SAMD4B: variants seen among roughly 807,000 people sequenced by gnomAD.
SAMD4B encodes the protein sterile alpha motif domain containing 4B.
A neutral mutation model predicts 74.5 loss-of-function variants in SAMD4B; 5 were observed. That is an observed-to-expected ratio of 0.07 (90% CI 0.04 to 0.14). The LOEUF is 0.14. Among genes scored for constraint, SAMD4B ranks in the 10% least tolerant of loss-of-function variants. The probability of loss-of-function intolerance (pLI) is 1.00; values close to 1 mark genes in which losing one functional copy is unlikely to be tolerated. For missense variants in SAMD4B, 608 were observed against 921.8 expected, an observed-to-expected ratio of 0.66 and a Z score of 4.41; for synonymous variants, 373 against 374.9, an observed-to-expected ratio of 1.00 and a Z score of 0.06.
intron 4 of SAMD4B, among the ~76,000 whole-genome samples, chr19:39,374,933 T>C (rs969417171): frequency 1.3e-5 from 2 of 152,080 alleles, no homozygotes; most frequent in Non-Finnish European, 2.9e-5. Context: ...AGTAATGTGA[T>C]AGAGTGACGG....
chr19:39,382,587 G>A (rs1184477830), intron 12 of SAMD4B, among the ~76,000 whole-genome samples: 2 of 152,170 alleles, frequency 1.3e-5, no homozygotes, highest in African/African-American at 2.4e-5. Context: ...TGATGGCAGT[G>A]AGGAGTCAGG....
Position 39,380,043 on chromosome 19 carries a change from C to G in SAMD4B, c.1608C>G (p.Arg536=). 6.2e-7 allele frequency: 1 copy of G among 1,613,888 alleles called. No individual in the cohort carries two copies. The highest frequency in any genetic ancestry group is 1.3e-5 in the African/African-American group (1 of 75,050). Residue 536 remains arginine (R), a synonymous_variant, in exon 10 of 14, where the codon CGC becomes CGG. Coordinates refer to ENST00000610417, the MANE Select transcript of SAMD4B (RefSeq NM_001384574.2). The part of the protein sequence containing the change: ...QVLKLLRTFP[R]KAALEMQNYR... ...TGAAGCTCCTCCGGACATTCCCGCG[C>G]AAAGCCGCACTAGAGATGCAGAACT...
chr19:39,390,309 CAG>C (rs538593903), downstream of SAMD4B: 194 of 1,605,622 alleles, frequency 1.2e-4, 1 homozygote, highest in East Asian at 4.3e-3. Context: ...AAGAAAGAAA[CAG>C]TGATAGGTGG....
chr19:39,382,611 A>C (rs1006563451), intron 12 of SAMD4B, among the ~76,000 whole-genome samples: 1 of 152,084 alleles, frequency 6.6e-6, no homozygotes, highest in Admixed American at 6.5e-5. Flanking sequence ...GGGTTTAAGC[A>C]GTGTAGTGAG....
At position 39,376,857 on chromosome 19, in the gene SAMD4B, C is replaced by T. The variant is rs1213216679; in HGVS notation, c.1104+66C>T. On this transcript the variant is annotated intron_variant, in intron 7 of 13. Coordinates refer to ENST00000610417, the MANE Select transcript of SAMD4B (RefSeq NM_001384574.2). ...CTTGGTGGTACCAGTAGACCAAAGGCCCTGAGTTGGCCTCCAGACTCCTCG... is the reference window on the plus strand; with the variant it reads ...CTTGGTGGTACCAGTAGACCAAAGGTCCTGAGTTGGCCTCCAGACTCCTCG... 2.1e-6 allele frequency: 3 copies of T among 1,424,788 alleles called. No homozygotes were observed. The African/African-American group carries it at 4.3e-5, about 20-fold the overall frequency. 88.3% of individuals were successfully genotyped at this position (1,424,788 alleles called of 1,614,324 possible).
chr19:39,353,212 G>A (rs2076151437), intron 1 of SAMD4B, among the ~76,000 whole-genome samples: 1 of 152,130 alleles, frequency 6.6e-6, no homozygotes, highest in African/African-American at 2.4e-5. Context: ...CCTGCATCCA[G>A]GGCAAACATT....
chr19:39,349,433 C>T (rs1021418290), intron 1 of SAMD4B, among the ~76,000 whole-genome samples: 5 of 152,138 alleles, frequency 3.3e-5, no homozygotes, highest in Non-Finnish European at 7.3e-5. Flanking sequence ...CCATACTGTA[C>T]TTATCTTCCA....
In SAMD4B at chr19:39,356,821, CAGA is replaced by C; in HGVS notation, c.-72_-70del. The C allele has an allele frequency of 3.8e-6, 5 of 1,326,266 alleles. No individual in the cohort carries two copies. Among genetic ancestry groups the C allele is most frequent in the Non-Finnish European group, 5.1e-6 (5 of 973,966 alleles). The allele number at this position is 1,326,266 out of a possible 1,614,324, so 82.2% of individuals were successfully genotyped here. A position where few individuals can be genotyped will look rare whatever the true frequency, so the allele number is the denominator to read the frequency against. On this transcript the variant is annotated 5_prime_UTR_variant, in exon 3 of 14. Coordinates refer to ENST00000610417, the MANE Select transcript of SAMD4B (RefSeq NM_001384574.2). Reference sequence around the variant, plus strand: ...CCTCAGGGGAAAGGTAACAGGAGGCCAGAGCCGGGACCATGTGACGGCGCTGGC... The same window carrying C: ...CCTCAGGGGAAAGGTAACAGGAGGCCGCCGGGACCATGTGACGGCGCTGGC...
chr19:39,343,037 T>C (rs2075416618), intron 1 of SAMD4B, among the ~76,000 whole-genome samples: 7 of 151,216 alleles, frequency 4.6e-5, no homozygotes, highest in Admixed American at 3.9e-4. Flanking sequence ...GCCCCCGTCC[T>C]CCTCCTGTCT....
At chr19:39,365,232 C>T (rs191262600) in intron 3 of SAMD4B, among the ~76,000 whole-genome samples, 189 of 127,356 alleles carry the variant, frequency 1.5e-3, no homozygotes, top group African/African-American at 5.5e-3. Flanking sequence ...GGTGACAGAG[C>T]GAGACTCCGT....
chr19:39,378,014 G>A lies in SAMD4B; in HGVS notation c.1444+190G>A, dbSNP rs2077708236. Among the ~76,000 whole-genome samples, 1 of 152,240 alleles carries A rather than the reference G, an allele frequency of 6.6e-6. No homozygotes were observed. The highest frequency in any genetic ancestry group is 1.5e-5 in the Non-Finnish European group (1 of 68,042). ...GCCCTTGGGCACGTCTGGGCTGATGGTGGATAACAGCCCTTCCCCTCAAAG... is the reference window on the plus strand; with the variant it reads ...GCCCTTGGGCACGTCTGGGCTGATGATGGATAACAGCCCTTCCCCTCAAAG... On this transcript the variant is annotated intron_variant, in intron 8 of 13. Transcript: ENST00000610417. This position sits in a 1 kb window ranked among gnomAD's most constrained non-coding sequence, Gnocchi z 4.4.
chr19:39,360,507 C>T (rs1296623353), intron 3 of SAMD4B, among the ~76,000 whole-genome samples: 1 of 152,140 alleles, frequency 6.6e-6, no homozygotes, highest in African/African-American at 2.4e-5. Context: ...GGAAGCCTGC[C>T]AGGACTGGAG....
chr19:39,388,322 A>G (rs770683810), downstream of SAMD4B: 17 of 1,613,820 alleles, frequency 1.1e-5, no homozygotes, highest in South Asian at 1.8e-4. Context: ...CTAATCAGAT[A>G]GGAGTGTGCT....
At chr19:39,388,318 A>G, downstream of SAMD4B, 1 of 1,613,622 alleles carries the variant, frequency 6.2e-7, no homozygotes, top group East Asian at 2.2e-5. Flanking sequence ...CAGGCTAATC[A>G]GATAGGAGTG....
chr19:39,381,133 G>T lies in SAMD4B; in HGVS notation c.1972+20G>T. ...CTCCAGGTGAGGTGCCCCACCCTTG[G>T]GACTCTGCCTGGCCAACATCCTCAG... On this transcript the variant is annotated intron_variant, in intron 12 of 13. Transcript: ENST00000610417. 1 of 1,574,168 alleles carries T rather than the reference G, an allele frequency of 6.4e-7. No individual in the cohort carries two copies. The highest frequency in any genetic ancestry group is 8.6e-7 in the Non-Finnish European group (1 of 1,162,854).
chr19:39,389,542 A>T, downstream of SAMD4B: 1 of 1,614,138 alleles, frequency 6.2e-7, no homozygotes. The surrounding 1 kb of genome is among the most constrained non-coding windows in gnomAD (Gnocchi z 5.3). Context: ...CTGGATCTAG[A>T]AGAACTAGAG....
At chr19:39,374,855 T>G (rs2077512203) in intron 4 of SAMD4B, among the ~76,000 whole-genome samples, 1 of 152,022 alleles carries the variant, frequency 6.6e-6, no homozygotes, top group African/African-American at 2.4e-5. Flanking sequence ...AGTAAATAAA[T>G]TTTTAAAAAA....
intron 1 of SAMD4B, chr19:39,352,402 C>G (rs1224905330): frequency 6.7e-6 from 1 of 150,052 alleles, no homozygotes; most frequent in African/African-American, 2.5e-5. Flanking sequence ...TAGTTGTTCA[C>G]TATTGTTTCA....
intron 11 of SAMD4B, 27 bp from the exon 12 acceptor site, chr19:39,380,963 C>G: frequency 6.3e-7 from 1 of 1,583,650 alleles, no homozygotes; most frequent in Non-Finnish European, 8.6e-7. Flanking sequence ...GCACTCACTA[C>G]TTTCTCTCTT....
Sources: allele counts gnomAD v4.1 joint callset (sites outside exome capture counted in the v4.1 genomes callset), GRCh38; gene constraint gnomAD v4.1.1; non-coding constraint Gnocchi (gnomAD v3.1); transcripts MANE v1.5; gene names NCBI Gene and HGNC (gene_info 2026-07-23, HGNC 2026-07-21).